HACL1: variants seen among roughly 807,000 people sequenced by gnomAD.
HACL1 encodes the protein 1600020H07Rik.
In HACL1, 64 loss-of-function variants were observed where a neutral mutation model predicts 74.2. The observed-to-expected ratio is 0.86, with a 90% CI of 0.70 to 1.06. The LOEUF (loss-of-function observed/expected upper bound fraction) is 1.06. HACL1 is among the 50% of genes least tolerant of loss of function. The probability of loss-of-function intolerance (pLI) is 0.00; values close to 1 mark genes in which losing one functional copy is unlikely to be tolerated. For missense variants in HACL1, 728 were observed against 719.7 expected, an observed-to-expected ratio of 1.01 and a Z score of -0.13; for synonymous variants, 230 against 238.8, an observed-to-expected ratio of 0.96 and a Z score of 0.34.
At chr3:15,598,984 G>C (rs899859410) in intron 2 of HACL1, among the ~76,000 whole-genome samples, 2 of 152,174 alleles carry the variant, frequency 1.3e-5, no homozygotes, top group African/African-American at 2.4e-5. Flanking sequence ...AATCAATCAA[G>C]TAAGCCCAAA....
chr3:15,591,599 C>T lies in HACL1; in HGVS notation c.308+1G>A. 1 of 1,563,882 alleles carries T rather than the reference C, an allele frequency of 6.4e-7. No individual in the cohort carries two copies. Among genetic ancestry groups the T allele is most frequent in the Non-Finnish European group, 8.8e-7 (1 of 1,134,590 alleles). On this transcript the variant is annotated splice_donor_variant, in intron 4 of 16. Coordinates refer to ENST00000321169, the MANE Select transcript of HACL1 (RefSeq NM_012260.4). LOFTEE classifies it high-confidence loss of function. ...GTTTTCAGTAATAATAATGTCATTA[C>T]CAGCAGTTCATGTTTGCATTTGCCA... is the stretch of plus-strand genomic sequence containing the variant.
rs2063904582 is a variant in HACL1 at position 15,591,895 on chromosome 3, G to A, written c.228-215C>T. The stretch of plus-strand genomic sequence containing the variant: ...ACATACACACATATACGTATATAGT[G>A]TATACACTATATATGTATATAGTGT... On this transcript the variant is annotated intron_variant, in intron 3 of 16. Coordinates refer to ENST00000321169, the MANE Select transcript of HACL1 (RefSeq NM_012260.4). Among the ~76,000 whole-genome samples, 4 of 149,896 alleles carry A rather than the reference G, an allele frequency of 2.7e-5. No individual in the cohort carries two copies. In the South Asian group the frequency reaches 8.4e-4, roughly 31 times the overall value.
intron 4 of HACL1, among the ~76,000 whole-genome samples, chr3:15,590,375 AT>A (rs2063869533): frequency 6.6e-6 from 1 of 152,148 alleles, no homozygotes; most frequent in Non-Finnish European, 1.5e-5. Context: ...TACTTAAAAA[AT>A]ATAACACCTT....
intron 12 of HACL1, 26 bp from the exon 13 acceptor site, chr3:15,568,612 A>T: frequency 7.7e-7 from 1 of 1,299,428 alleles, no homozygotes; most frequent in South Asian, 1.3e-5. Flanking sequence ...GAATATAATC[A>T]AATTAAATTG....
At chr3:15,593,796 C>CTTTTT (rs1322426326) in intron 3 of HACL1, among the ~76,000 whole-genome samples, 2 of 111,362 alleles carry the variant, frequency 1.8e-5, no homozygotes, top group African/African-American at 3.4e-5. Flanking sequence ...TTTTTTTTGT[C>CTTTTT]TTTTTTTTTT....
rs1332746477 is a variant in HACL1, at chr3:15,601,090, C to A, written c.186G>T (p.Ala62=). The A allele has an allele frequency of 1.9e-6, 3 of 1,601,842 alleles. No individual in the cohort carries two copies. The highest frequency in any genetic ancestry group is 1.7e-4 in the Middle Eastern group (1 of 6,034). The stretch of plus-strand genomic sequence containing the variant: ...TTCAGCCACCTGAGTCCATACTCAC[C>A]GCTTGCTCATTCCTCATCCCGATGT... ...IKYIGMRNEQ[A]ACYAASAIGY... Residue 62 remains alanine (A), a splice_region_variant and synonymous_variant, in exon 2 of 17, where the codon GCG becomes GCT. Coordinates refer to ENST00000321169, the MANE Select transcript of HACL1 (RefSeq NM_012260.4).
At chr3:15,585,434 T>C (rs2063777981) in intron 6 of HACL1, 92 bp from the exon 7 acceptor site, 1 of 746,358 alleles carries the variant, frequency 1.3e-6, no homozygotes, top group South Asian at 1.7e-5. Context: ...AAATGAACAC[T>C]TTTCATTTTT....
intron 3 of HACL1, among the ~76,000 whole-genome samples, chr3:15,594,868 G>A (rs912368140): frequency 6.6e-6 from 1 of 152,216 alleles, no homozygotes; most frequent in Non-Finnish European, 1.5e-5. Context: ...GGTGGCTCAC[G>A]CCTGTAATCC....
intron 16 of HACL1, among the ~76,000 whole-genome samples, chr3:15,562,747 T>C (rs968033421): frequency 6.6e-6 from 1 of 152,238 alleles, no homozygotes; most frequent in African/African-American, 2.4e-5. Flanking sequence ...TCATTTACTT[T>C]ACTGCTGTAA....
chr3:15,566,009 T>C (rs1033366656), intron 14 of HACL1, among the ~76,000 whole-genome samples: 4 of 152,212 alleles, frequency 2.6e-5, no homozygotes, highest in Non-Finnish European at 4.4e-5. Context: ...CATAGGTTAT[T>C]TGCAAATACT....
At chr3:15,591,957 T>C (rs946867615) in intron 3 of HACL1, among the ~76,000 whole-genome samples, 3 of 149,614 alleles carry the variant, frequency 2.0e-5, no homozygotes, top group African/African-American at 7.4e-5. Context: ...ACACACACTA[T>C]ATACATAGTG....
intron 2 of HACL1, among the ~76,000 whole-genome samples, chr3:15,599,528 C>G (rs1012733257): frequency 6.6e-6 from 1 of 151,238 alleles, no homozygotes; most frequent in Non-Finnish European, 1.5e-5. Context: ...AAAAAAAATT[C>G]AAACTCTTTT....
chr3:15,600,849 G>A, intron 2 of HACL1: 1 of 581,340 alleles, frequency 1.7e-6, no homozygotes, highest in Non-Finnish European at 3.1e-6. Flanking sequence ...CCCAGAATAC[G>A]TGGGTTCAAA....
At chr3:15,576,376 A>G (rs2063627514) in intron 9 of HACL1, among the ~76,000 whole-genome samples, 1 of 152,104 alleles carries the variant, frequency 6.6e-6, no homozygotes, top group South Asian at 2.1e-4. Flanking sequence ...TTTTAAGACT[A>G]TTGATTCATA....
intron 10 of HACL1, among the ~76,000 whole-genome samples, chr3:15,573,535 T>A (rs958778538): frequency 5.9e-5 from 9 of 152,242 alleles, no homozygotes; most frequent in African/African-American, 2.2e-4. Context: ...TAGTTTTGCA[T>A]CTAATCAGTA....
At chr3:15,582,011 C>A (rs1425103121) in intron 8 of HACL1, among the ~76,000 whole-genome samples, 1 of 152,206 alleles carries the variant, frequency 6.6e-6, no homozygotes, top group Non-Finnish European at 1.5e-5. Flanking sequence ...CCCAAAGTCA[C>A]AGAGCTAATA....
chr3:15,585,010 CGAG>C (rs2063770357), intron 7 of HACL1, among the ~76,000 whole-genome samples: 1 of 152,068 alleles, frequency 6.6e-6, no homozygotes, highest in Non-Finnish European at 1.5e-5. Context: ...ATATTTTCAA[CGAG>C]GAGTTCAGGA....
At chr3:15,581,004 C>T (rs1370381745) in intron 8 of HACL1, among the ~76,000 whole-genome samples, 3 of 152,226 alleles carry the variant, frequency 2.0e-5, no homozygotes, top group East Asian at 3.8e-4. Context: ...CGGGTTCAAG[C>T]GATTCTCCTG....
Position 15,599,728 on chromosome 3 carries a change from T to C in HACL1, c.186+1362A>G, listed in dbSNP as rs141879777. Reference sequence around the variant, plus strand: ...GAGTTATAATAGATGAGTCTTTTTCTGTAAGTCTTACCCTCACCTTCCAGG... The same window carrying C: ...GAGTTATAATAGATGAGTCTTTTTCCGTAAGTCTTACCCTCACCTTCCAGG... On this transcript the variant is annotated intron_variant, in intron 2 of 16. Transcript: ENST00000321169. 1.1e-4 allele frequency among the ~76,000 whole-genome samples: 16 copies of C among 152,330 alleles called. No individual in the cohort carries two copies. The East Asian group carries it at 3.1e-3, about 29-fold the overall frequency.
Sources: allele counts gnomAD v4.1 joint callset (sites outside exome capture counted in the v4.1 genomes callset), GRCh38; gene constraint gnomAD v4.1.1; transcripts MANE v1.5; gene names NCBI Gene and HGNC (gene_info 2026-07-23, HGNC 2026-07-21).